Variants in GRXCR2 observed in about 807,000 individuals in gnomAD.
GRXCR2 encodes the protein glutaredoxin domain-containing cysteine-rich protein 2.
Under a neutral mutation model 24.8 loss-of-function variants are expected in GRXCR2, and 23 were observed. That is an observed-to-expected ratio of 0.93 (90% CI 0.67 to 1.32). GRXCR2 has a LOEUF of 1.32. Among genes scored for constraint, GRXCR2 ranks in the 40% most tolerant of loss-of-function variants. The probability of loss-of-function intolerance (pLI) is 0.00; values close to 1 mark genes in which losing one functional copy is unlikely to be tolerated. For missense variants in GRXCR2, 315 were observed against 303.4 expected (o/e 1.04, Z -0.28); for synonymous variants, 130 against 116.1 (o/e 1.12, Z -0.77).
At chr5:145,892,569 A>G (rs1756884730) in intron 2 of GRXCR2, among the ~76,000 whole-genome samples, 1 of 152,212 alleles carries the variant, frequency 6.6e-6, no homozygotes, top group South Asian at 2.1e-4. Flanking sequence ...AAGCGAGAAG[A>G]GAAGTTTAGA....
At chr5:145,904,595 C>T (rs1226347453) in intron 2 of GRXCR2, among the ~76,000 whole-genome samples, 1 of 152,224 alleles carries the variant, frequency 6.6e-6, no homozygotes, top group Non-Finnish European at 1.5e-5. Flanking sequence ...TCCCCTGCTC[C>T]GTGTGGTCCT....
intron 2 of GRXCR2, among the ~76,000 whole-genome samples, chr5:145,911,117 T>C (rs548987528): frequency 6.6e-6 from 1 of 152,306 alleles, no homozygotes; most frequent in East Asian, 1.9e-4. Context: ...GTTCAAGGTG[T>C]ACAGCGTGAT....
At chr5:145,882,324 G>GA (rs1173755186) in intron 2 of GRXCR2, among the ~76,000 whole-genome samples, 6 of 152,020 alleles carry the variant, frequency 3.9e-5, no homozygotes, top group Non-Finnish European at 8.8e-5. Context: ...AAATGTACAA[G>GA]AAAAAAACAA....
At chr5:145,923,346 G>C (rs1251920544) in intron 2 of GRXCR2, among the ~76,000 whole-genome samples, 2 of 152,134 alleles carry the variant, frequency 1.3e-5, no homozygotes, top group Admixed American at 1.3e-4. Context: ...GAGCCTGCAA[G>C]AAAAAATGCA....
rs144860974 is a variant in GRXCR2, at chr5:145,922,618, T to C, written c.-70+13083A>G. On this transcript the variant is annotated intron_variant, in intron 2 of 3. Transcript: ENST00000639411. ...AGAATGAATAGTTATCACCTAGGTA[T>C]TTATTTTCCCCACAGGCTCCAGGTA... Among the ~76,000 whole-genome samples the C allele has an allele frequency of 7.5e-3, 1,137 of 152,296 alleles. 10 individuals carry two copies. Among genetic ancestry groups the C allele is most frequent in the South Asian group, 0.02 (95 of 4,828 alleles).
intron 2 of GRXCR2, among the ~76,000 whole-genome samples, chr5:145,897,439 A>C (rs573090284): frequency 3.9e-5 from 6 of 152,174 alleles, no homozygotes; most frequent in African/African-American, 1.4e-4. Context: ...GAAATTCTGG[A>C]CTTAAGCTCA....
intron 2 of GRXCR2, among the ~76,000 whole-genome samples, chr5:145,924,008 T>C (rs933964844): frequency 5.3e-5 from 8 of 152,122 alleles, no homozygotes; most frequent in Non-Finnish European, 1.2e-4. Context: ...ACAATTTTGA[T>C]AGATAATGCC....
chr5:145,927,329 T>C (rs376861740), intron 2 of GRXCR2, among the ~76,000 whole-genome samples: 1 of 152,096 alleles, frequency 6.6e-6, no homozygotes, highest in South Asian at 2.1e-4. Context: ...GAATGCTTCC[T>C]GTTTTTGCCC....
intron 2 of GRXCR2, among the ~76,000 whole-genome samples, chr5:145,879,370 C>CAAAAAAAA (rs144743619): frequency 1.0e-5 from 1 of 99,590 alleles, no homozygotes; most frequent in Non-Finnish European, 2.1e-5. Flanking sequence ...AAATGCACAG[C>CAAAAAAAA]AAAAAAAAAA....
At chr5:145,895,584 G>A (rs1391398876) in intron 2 of GRXCR2, among the ~76,000 whole-genome samples, 1 of 152,088 alleles carries the variant, frequency 6.6e-6, no homozygotes, top group African/African-American at 2.4e-5. Flanking sequence ...GGGATGTGAA[G>A]GACCTCTTCA....
At chr5:145,866,059 A>G (rs145559897) in intron 2 of GRXCR2, among the ~76,000 whole-genome samples, 1,880 of 151,458 alleles carry the variant, frequency 0.012, 40 homozygotes, top group African/African-American at 0.044. Flanking sequence ...TCACTTATCC[A>G]GGAGACAGAG....
chr5:145,883,943 T>C (rs1340570559), intron 2 of GRXCR2, among the ~76,000 whole-genome samples: 1 of 152,190 alleles, frequency 6.6e-6, no homozygotes, highest in African/African-American at 2.4e-5. Flanking sequence ...AGCACAATAC[T>C]TTTGTAAAAC....
At chr5:145,895,243 C>A (rs899222256) in intron 2 of GRXCR2, among the ~76,000 whole-genome samples, 6 of 151,954 alleles carry the variant, frequency 3.9e-5, no homozygotes, top group Non-Finnish European at 7.4e-5. Flanking sequence ...GATGCCCTCT[C>A]TCACCACTCC....
intron 2 of GRXCR2, among the ~76,000 whole-genome samples, chr5:145,927,453 T>C (rs1025358127): frequency 6.6e-6 from 1 of 152,238 alleles, no homozygotes; most frequent in African/African-American, 2.4e-5. Context: ...TGTTGAATTG[T>C]GTCAAAGGCC....
intron 2 of GRXCR2, among the ~76,000 whole-genome samples, chr5:145,920,281 A>G (rs1371351402): frequency 1.3e-5 from 2 of 152,168 alleles, no homozygotes; most frequent in Non-Finnish European, 2.9e-5. Flanking sequence ...CCACATCAGC[A>G]TCGCCTGAAA....
intron 2 of GRXCR2, among the ~76,000 whole-genome samples, chr5:145,916,184 G>A (rs1757235865): frequency 1.3e-5 from 2 of 152,112 alleles, no homozygotes; most frequent in African/African-American, 4.8e-5. Context: ...GAAAGAAAAA[G>A]AAAAGAAGGG....
chr5:145,896,488 T>A (rs1470062902), intron 2 of GRXCR2, among the ~76,000 whole-genome samples: 1 of 152,108 alleles, frequency 6.6e-6, no homozygotes, highest in Non-Finnish European at 1.5e-5. Context: ...GAACAGACAC[T>A]TCTCAAAAGA....
intron 2 of GRXCR2, among the ~76,000 whole-genome samples, chr5:145,916,085 A>T (rs1757233795): frequency 6.6e-6 from 1 of 152,098 alleles, no homozygotes; most frequent in Non-Finnish European, 1.5e-5. Flanking sequence ...AGAGCTGTGC[A>T]TGGTTGTGTG....
At chr5:145,910,059 G>C (rs1757144120) in intron 2 of GRXCR2, among the ~76,000 whole-genome samples, 1 of 152,100 alleles carries the variant, frequency 6.6e-6, no homozygotes, top group African/African-American at 2.4e-5. Context: ...ACCAATATTG[G>C]GAGTCATATT....
Sources: allele counts gnomAD v4.1 joint callset (sites outside exome capture counted in the v4.1 genomes callset), GRCh38; gene constraint gnomAD v4.1.1; transcripts MANE v1.5; gene names NCBI Gene and HGNC (gene_info 2026-07-23, HGNC 2026-07-21).